The following CDH4 variants were observed in gnomAD, a reference collection of about 807,000 sequenced individuals.
CDH4 encodes cadherin 4, also known as cadherin-4.
Under a neutral mutation model 86.0 loss-of-function variants are expected in CDH4, and 33 were observed. That is an observed-to-expected ratio of 0.38 (90% CI 0.29 to 0.51). CDH4 has a LOEUF of 0.51. Among genes scored for constraint, CDH4 ranks in the 20% least tolerant of loss-of-function variants. The pLI is 0.86. For missense variants in CDH4, 1,114 were observed against 1,307.4 expected, an observed-to-expected ratio of 0.85 and a Z score of 2.28; for synonymous variants, 555 against 549.4, an observed-to-expected ratio of 1.01 and a Z score of -0.14.
intron 4 of CDH4, among the ~76,000 whole-genome samples, chr20:61,805,139 A>G (rs1486010518): frequency 1.3e-5 from 2 of 152,284 alleles, no homozygotes; most frequent in East Asian, 1.9e-4. Context: ...ATGGGCTCAT[A>G]TGCCCAGCCG....
chr20:61,675,461 C>T (rs2427226), intron 2 of CDH4, among the ~76,000 whole-genome samples: 1 of 20,748 alleles, frequency 4.8e-5, no homozygotes. Context: ...ACAACCATCG[C>T]AGGGGCTGAG....
At chr20:61,329,648 G>C (rs67443681) in intron 2 of CDH4, among the ~76,000 whole-genome samples, 64,577 of 151,826 alleles carry the variant, frequency 0.43, 13,858 homozygotes, top group Middle Eastern at 0.52. Context: ...TAGCCACTTG[G>C]ATTCCGCAGA....
chr20:61,854,357 T>C (rs1421807072), intron 6 of CDH4, among the ~76,000 whole-genome samples: 1 of 152,194 alleles, frequency 6.6e-6, no homozygotes, highest in African/African-American at 2.4e-5. Flanking sequence ...ACAAGGTGAA[T>C]TATACCCTCG....
chr20:61,372,608 G>T (rs745491529), intron 2 of CDH4, among the ~76,000 whole-genome samples: 6 of 152,210 alleles, frequency 3.9e-5, no homozygotes, highest in African/African-American at 7.2e-5. Context: ...GGTGGACTTG[G>T]GTGGCTGCAA....
intron 2 of CDH4, among the ~76,000 whole-genome samples, chr20:61,425,567 G>A (rs1234075889): frequency 1.3e-5 from 2 of 152,228 alleles, no homozygotes; most frequent in East Asian, 3.8e-4. Flanking sequence ...GTGATTATCC[G>A]TGAGATAAGG....
chr20:61,512,027 G>A (rs1240575325), intron 2 of CDH4, among the ~76,000 whole-genome samples: 1 of 152,158 alleles, frequency 6.6e-6, no homozygotes, highest in Non-Finnish European at 1.5e-5. Context: ...CCCTCCATCC[G>A]CATTGATTTA....
intron 4 of CDH4, among the ~76,000 whole-genome samples, chr20:61,791,563 C>T (rs1471375162): frequency 6.6e-6 from 1 of 152,196 alleles, no homozygotes; most frequent in Non-Finnish European, 1.5e-5. Flanking sequence ...TCCTGAAGCA[C>T]TATACATTGC....
intron 2 of CDH4, among the ~76,000 whole-genome samples, chr20:61,631,799 G>T (rs935291867): frequency 6.6e-6 from 1 of 152,254 alleles, no homozygotes; most frequent in Non-Finnish European, 1.5e-5. Context: ...CTGGGAAGTG[G>T]CTGAAGGTGT....
At chr20:61,841,567 A>G (rs926989390) in intron 4 of CDH4, among the ~76,000 whole-genome samples, 5 of 152,116 alleles carry the variant, frequency 3.3e-5, no homozygotes, top group Non-Finnish European at 7.4e-5. Context: ...GGCTTTTCCC[A>G]TGGACCGCTG....
chr20:61,516,037 GC>G lies in CDH4; in HGVS notation c.170-227519del, dbSNP rs896225807. Among the ~76,000 whole-genome samples, 3 of 151,878 alleles carry G rather than the reference GC, an allele frequency of 2.0e-5. No individual in the cohort carries two copies. Among genetic ancestry groups the G allele is most frequent in the African/African-American group, 7.3e-5 (3 of 41,300 alleles). Reference sequence around the variant, plus strand: ...CCCATCTTCCCCTGGGCTCTGGAACGCCCCCCCAATACGATTCCACCGCAGG... The same window carrying G: ...CCCATCTTCCCCTGGGCTCTGGAACGCCCCCCAATACGATTCCACCGCAGG... On this transcript the variant is annotated intron_variant, in intron 2 of 15. Coordinates refer to ENST00000614565, the MANE Select transcript of CDH4 (RefSeq NM_001794.5). This position sits in a 1 kb window ranked among gnomAD's most constrained non-coding sequence, Gnocchi z 4.0.
chr20:61,383,449 T>C lies in CDH4; in HGVS notation c.169+128512T>C, dbSNP rs185990826. Among the ~76,000 whole-genome samples, 12 of 9,784 alleles carry C rather than the reference T, an allele frequency of 1.2e-3. 1 individual carries two copies. Among genetic ancestry groups the C allele is most frequent in the South Asian group, 0.01 (5 of 478 alleles). The allele number at this position is 9,784 out of a possible 152,430, so 6.4% of individuals were successfully genotyped here. Reference sequence around the variant, plus strand: ...ATATATATCATATATGAATATATATTCATATATATGAAGATATATATGAAT... The same window carrying C: ...ATATATATCATATATGAATATATATCCATATATATGAAGATATATATGAAT... On this transcript the variant is annotated intron_variant, in intron 2 of 15. Coordinates refer to ENST00000614565, the MANE Select transcript of CDH4 (RefSeq NM_001794.5).
At chr20:61,466,295 G>A (rs1406372887) in intron 2 of CDH4, among the ~76,000 whole-genome samples, 1 of 152,168 alleles carries the variant, frequency 6.6e-6, no homozygotes, top group Non-Finnish European at 1.5e-5. Context: ...GAGCACAGCT[G>A]GTTTGTCTTC....
intron 2 of CDH4, among the ~76,000 whole-genome samples, chr20:61,405,573 T>C (rs902295865): frequency 7.2e-5 from 11 of 152,036 alleles, no homozygotes; most frequent in Admixed American, 5.9e-4. Flanking sequence ...GAGGGGAAAA[T>C]GAAATCTGAG....
rs115730710 is a variant in CDH4 at position 61,735,967 on chromosome 20, C to T, written c.170-7596C>T. ...AGTTGTTTGCAAGGCTAGGAAAGGCCGTAGCTCTCTTAACATTGGGCCCTA... is the reference window on the plus strand; with the variant it reads ...AGTTGTTTGCAAGGCTAGGAAAGGCTGTAGCTCTCTTAACATTGGGCCCTA... On this transcript the variant is annotated intron_variant, in intron 2 of 15. Coordinates refer to ENST00000614565, the MANE Select transcript of CDH4 (RefSeq NM_001794.5). 6.3e-3 allele frequency among the ~76,000 whole-genome samples: 959 copies of T among 152,266 alleles called. 7 individuals carry two copies. The highest frequency in any genetic ancestry group is 0.021 in the African/African-American group (890 of 41,550).
At chr20:61,574,915 C>T (rs1353132996) in intron 2 of CDH4, among the ~76,000 whole-genome samples, 1 of 152,208 alleles carries the variant, frequency 6.6e-6, no homozygotes, top group African/African-American at 2.4e-5. Flanking sequence ...GGGAAGGATT[C>T]TCTCAGGACA....
At chr20:61,270,881 G>A (rs931711246) in intron 2 of CDH4, among the ~76,000 whole-genome samples, 2 of 152,074 alleles carry the variant, frequency 1.3e-5, no homozygotes, top group Non-Finnish European at 2.9e-5. Flanking sequence ...CTTCCTCTGG[G>A]GTGTTTTTGG....
chr20:61,425,534 C>T (rs567321617), intron 2 of CDH4, among the ~76,000 whole-genome samples: 5 of 152,234 alleles, frequency 3.3e-5, no homozygotes, highest in Non-Finnish European at 7.3e-5. Context: ...AGGAGAAGGA[C>T]AGTGGGCAGG....
chr20:61,455,072 C>T (rs1023884984), intron 2 of CDH4, among the ~76,000 whole-genome samples: 2 of 152,186 alleles, frequency 1.3e-5, no homozygotes, highest in African/African-American at 4.8e-5. Flanking sequence ...AGCACATTTT[C>T]ATCACCCCAA....
intron 2 of CDH4, among the ~76,000 whole-genome samples, chr20:61,514,507 G>A (rs886728934): frequency 3.3e-5 from 5 of 152,228 alleles, no homozygotes; most frequent in Admixed American, 6.5e-5. Context: ...TTCCCTTCTC[G>A]CTTTTATCAT....
Sources: gnomAD v4.1 joint callset for allele counts (sites outside exome capture counted in the v4.1 genomes callset) on GRCh38, gnomAD v4.1.1 for gene constraint, Gnocchi (gnomAD v3.1) non-coding constraint, MANE v1.5 for transcripts, NCBI Gene and HGNC (gene_info 2026-07-23, HGNC 2026-07-21) for gene names.